The following UQCRH variants were observed in gnomAD, a reference collection of about 807,000 sequenced individuals.
UQCRH encodes cytochrome b-c1 complex subunit 6, mitochondrial.
A neutral mutation model predicts 16.3 loss-of-function variants in UQCRH; 14 were observed. That is an observed-to-expected ratio of 0.86 (90% CI 0.57 to 1.34). The LOEUF (loss-of-function observed/expected upper bound fraction) is 1.34. Ranked by LOEUF, UQCRH falls within the 40% of genes most tolerant of loss-of-function variation. UQCRH has a pLI of 0.00. For missense variants in UQCRH, 89 were observed against 111.9 expected (o/e 0.80, Z 0.92); for synonymous variants, 41 against 41.9 (o/e 0.98, Z 0.08).
rs549566186 is a variant in UQCRH, at chr1:46,310,304, G to A, written c.231G>A (p.Ala77=). Residue 77 remains alanine, a synonymous_variant, in exon 3 of 4, where the codon GCG becomes GCA. Transcript: ENST00000311672. ...CTEELFDFLH[A]RDHCVAHKLF... Reference sequence around the variant, plus strand: ...AGGAGCTCTTTGACTTCTTGCATGCGAGGGACCATTGCGTAAGTCAGTGGG... The same window carrying A: ...AGGAGCTCTTTGACTTCTTGCATGCAAGGGACCATTGCGTAAGTCAGTGGG... 1.4e-5 allele frequency: 23 copies of A among 1,614,080 alleles called. No individual in the cohort carries two copies. Among genetic ancestry groups the A allele is most frequent in the Middle Eastern group, 1.6e-4 (1 of 6,062 alleles).
chr1:46,310,641 A>T (rs1243455502), intron 3 of UQCRH, among the ~76,000 whole-genome samples: 1 of 151,944 alleles, frequency 6.6e-6, no homozygotes, highest in African/African-American at 2.4e-5. Context: ...TTTATTTTTT[A>T]ATTTTTTCTA....
intron 1 of UQCRH, among the ~76,000 whole-genome samples, chr1:46,305,615 G>T (rs1661359103): frequency 6.6e-6 from 1 of 151,744 alleles, no homozygotes; most frequent in South Asian, 2.1e-4. Context: ...TTAGCCGGGC[G>T]TGGCGGCGGG....
intron 2 of UQCRH, chr1:46,309,917 G>A: frequency 7.0e-7 from 1 of 1,422,782 alleles, no homozygotes; most frequent in Non-Finnish European, 9.2e-7. Context: ...GGCTTTCAGT[G>A]CATACTGGCA....
intron 1 of UQCRH, among the ~76,000 whole-genome samples, chr1:46,306,500 A>C (rs554065664): frequency 6.7e-6 from 1 of 149,932 alleles, no homozygotes; most frequent in Non-Finnish European, 1.5e-5. Context: ...CAGTCTCCCG[A>C]GTAGCTGGGA....
At chr1:46,309,421 G>A in intron 2 of UQCRH, 1 of 363,506 alleles carries the variant, frequency 2.8e-6, no homozygotes, top group Non-Finnish European at 4.9e-6. Context: ...GCTAGGCATG[G>A]TGGCTCGTGC....
chr1:46,314,093 G>A lies in UQCRH; in HGVS notation c.244-2459G>A, dbSNP rs139930667. Among the ~76,000 whole-genome samples, 707 of 152,204 alleles carry A rather than the reference G, an allele frequency of 4.6e-3. 6 individuals are homozygous for A. The highest frequency in any genetic ancestry group is 0.016 in the African/African-American group (648 of 41,530). On this transcript the variant is annotated intron_variant, in intron 3 of 3. Coordinates refer to ENST00000311672, the MANE Select transcript of UQCRH (RefSeq NM_006004.4). ...TTCAGCCTTAAAAGAGAAGGGGGCC[G>A]GGGCACGGTGGCTCATGCCTGTAAT...
At chr1:46,311,425 AAAT>A (rs1436509810) in intron 3 of UQCRH, among the ~76,000 whole-genome samples, 1 of 150,012 alleles carries the variant, frequency 6.7e-6, no homozygotes, top group Non-Finnish European at 1.5e-5. Context: ...AAAGTACAAA[AAAT>A]TAGCCGGGCG....
At chr1:46,304,842 C>T (rs1348265522) in intron 1 of UQCRH, among the ~76,000 whole-genome samples, 3 of 152,164 alleles carry the variant, frequency 2.0e-5, no homozygotes, top group Admixed American at 2.0e-4. Flanking sequence ...CCAAGCAGCG[C>T]GGTTCTAGAA....
At position 46,307,780 on chromosome 1, in the gene UQCRH, C is replaced by CTA. The variant is rs145698904; in HGVS notation, c.55-1320_55-1319dup. Among the ~76,000 whole-genome samples, 160 of 152,320 alleles carry CTA rather than the reference C, an allele frequency of 1.1e-3. 2 individuals carry two copies. In the South Asian group the frequency reaches 0.017, roughly 16 times the overall value. On this transcript the variant is annotated intron_variant, in intron 1 of 3. Transcript: ENST00000311672. ...AGTTCAGCAAGCCAAAAAGCAGTGACTAACCATCCTTAGTTAAGCTCTGAC... is the reference window on the plus strand; with the variant it reads ...AGTTCAGCAAGCCAAAAAGCAGTGACTATAACCATCCTTAGTTAAGCTCTGAC...
chr1:46,311,554 G>A (rs1172654992), intron 3 of UQCRH, among the ~76,000 whole-genome samples: 1 of 149,876 alleles, frequency 6.7e-6, no homozygotes, highest in Non-Finnish European at 1.5e-5. Context: ...AAAATAATTT[G>A]TATCCTCAAA....
At chr1:46,307,697 C>G (rs185716938) in intron 1 of UQCRH, among the ~76,000 whole-genome samples, 12 of 152,304 alleles carry the variant, frequency 7.9e-5, no homozygotes, top group Non-Finnish European at 1.3e-4. Context: ...TATTTCCAAG[C>G]TCATGAGTGG....
chr1:46,309,144 G>A lies in UQCRH; in HGVS notation c.81+17G>A, dbSNP rs781061515. The A allele has an allele frequency of 2.5e-6, 4 of 1,607,618 alleles. No homozygotes were observed. Among genetic ancestry groups the A allele is most frequent in the Non-Finnish European group, 3.4e-6 (4 of 1,178,566 alleles). ...GAATTAGTGGTAAGAACTGTCTCAG[G>A]TTTGGAAACATCTCAGTAAAAGCAG... On this transcript the variant is annotated intron_variant, in intron 2 of 3. Transcript: ENST00000311672.
Position 46,303,820 on chromosome 1 carries a change from G to C in UQCRH, c.54G>C (p.Glu18Asp). 1 of 1,614,188 alleles carries C rather than the reference G, an allele frequency of 6.2e-7. No homozygotes were observed. Among genetic ancestry groups the C allele is most frequent in the Non-Finnish European group, 8.5e-7 (1 of 1,180,032 alleles). ...TTACCGAATCCGGAGATCCTGAGGAGGTAAGGCAAGGCGATCCACTCGGCC... is the reference window on the plus strand; with the variant it reads ...TTACCGAATCCGGAGATCCTGAGGACGTAAGGCAAGGCGATCCACTCGGCC... The part of the protein sequence containing the change: ...KMLTESGDPE[E>D]EEEEEEELVD... Residue 18 changes from glutamate to aspartate, a missense_variant and splice_region_variant, in exon 1 of 4, where the codon GAG becomes GAC. Glu to Asp is a conservative substitution (Grantham distance 45). Transcript: ENST00000311672.
At chr1:46,310,497 A>C (rs1018332969) in intron 3 of UQCRH, among the ~76,000 whole-genome samples, 181 bp downstream of exon 3, 1 of 152,118 alleles carries the variant, frequency 6.6e-6, no homozygotes, top group Non-Finnish European at 1.5e-5. Context: ...GGGTCTCACT[A>C]TGTTGTCCAG....
chr1:46,313,192 A>G (rs1355813168), intron 3 of UQCRH, among the ~76,000 whole-genome samples: 6 of 152,210 alleles, frequency 3.9e-5, no homozygotes, highest in Admixed American at 6.5e-5. Flanking sequence ...TGGAAACAAC[A>G]TAAGTGTCCA....
At chr1:46,316,478 A>G in intron 3 of UQCRH, 74 bp from the exon 4 acceptor site, 1 of 1,599,618 alleles carries the variant, frequency 6.3e-7, no homozygotes, top group South Asian at 1.1e-5. Flanking sequence ...GTACTGTTTC[A>G]GGTCTTGAAG....
At chr1:46,310,615 C>T (rs1172765837) in intron 3 of UQCRH, among the ~76,000 whole-genome samples, 1 of 152,136 alleles carries the variant, frequency 6.6e-6, no homozygotes, top group Non-Finnish European at 1.5e-5. Flanking sequence ...TGCATGCCAC[C>T]ATGAGAGGCT....
At chr1:46,309,319 G>A (rs1389878835) in intron 2 of UQCRH, 192 bp downstream of exon 2, 1 of 597,668 alleles carries the variant, frequency 1.7e-6, no homozygotes, top group Non-Finnish European at 2.8e-6. Context: ...CTGGGTTTGG[G>A]GCTTCTTCAG....
At chr1:46,310,460 T>A in intron 3 of UQCRH, 144 bp downstream of exon 3, 1 of 1,226,260 alleles carries the variant, frequency 8.2e-7, no homozygotes, top group Non-Finnish European at 1.1e-6. Flanking sequence ...GCATTTTATG[T>A]AAATAACCTA....
Sources: gnomAD v4.1 joint callset for allele counts (sites outside exome capture counted in the v4.1 genomes callset) on GRCh38, gnomAD v4.1.1 for gene constraint, MANE v1.5 for transcripts, NCBI Gene and HGNC (gene_info 2026-07-23, HGNC 2026-07-21) for gene names.